The following LIAT1 variants were observed in gnomAD, a reference collection of about 807,000 sequenced individuals.
LIAT1 encodes the protein protein LIAT1.
chr17:410,911 C>G, the LIAT1 span, among the ~76,000 whole-genome samples: 1 of 152,166 alleles, frequency 6.6e-6, no homozygotes, highest in Non-Finnish European at 1.5e-5. Context: ...CAGCCCCACA[C>G]AAAGACACCC....
the LIAT1 span, chr17:413,180 C>G: frequency 5.0e-6 from 8 of 1,614,026 alleles, no homozygotes; most frequent in African/African-American, 9.3e-5. Flanking sequence ...GAAGAGCCAG[C>G]CGCTTTCTTC....
chr17:410,501 C>T, the LIAT1 span: 56 of 1,544,392 alleles, frequency 3.6e-5, no homozygotes, highest in African/African-American at 4.1e-5. Flanking sequence ...ACAACGACGG[C>T]GAGGAGGAGG....
the LIAT1 span, chr17:410,587 A>C: frequency 6.5e-7 from 1 of 1,546,272 alleles, no homozygotes; most frequent in Non-Finnish European, 8.7e-7. Context: ...GAGCTGGCCA[A>C]ACGGAAGGTG....
the LIAT1 span, among the ~76,000 whole-genome samples, chr17:412,534 T>G: frequency 1.0e-3 from 154 of 152,230 alleles, no homozygotes; most frequent in African/African-American, 3.6e-3. Flanking sequence ...TTTGTAGCAT[T>G]TTATGTGCAT....
At chr17:410,603 GA>G in the LIAT1 span, 1 of 1,544,624 alleles carries the variant, frequency 6.5e-7, no homozygotes. Flanking sequence ...AGGTGAAGAA[GA>G]AAAAAAGGAA....
the LIAT1 span, chr17:410,704 GACCC>G: frequency 1.4e-6 from 2 of 1,470,736 alleles, no homozygotes; most frequent in Admixed American, 4.1e-5. Context: ...ACTCTTTGGG[GACCC>G]ACCCCCCATT....
chr17:414,271 C>A, the LIAT1 span: 2 of 925,614 alleles, frequency 2.2e-6, no homozygotes, highest in African/African-American at 1.6e-5. This position sits in a 1 kb window ranked among gnomAD's most constrained non-coding sequence, Gnocchi z 4.1. Flanking sequence ...AAGCTGCCCT[C>A]GGTTGCCCAG....
the LIAT1 span, among the ~76,000 whole-genome samples, chr17:412,657 T>G: frequency 1.3e-5 from 2 of 152,126 alleles, no homozygotes; most frequent in Non-Finnish European, 2.9e-5. Flanking sequence ...TTAGGAAGCT[T>G]TTCTGTTGTT....
the LIAT1 span, among the ~76,000 whole-genome samples, chr17:412,905 A>T: frequency 6.6e-6 from 1 of 152,226 alleles, no homozygotes; most frequent in Non-Finnish European, 1.5e-5. Context: ...AATAGGGCCG[A>T]TCGCCTTTAC....
the LIAT1 span, chr17:414,281 G>A: frequency 1.3e-6 from 1 of 799,728 alleles, no homozygotes; most frequent in Non-Finnish European, 2.0e-6. This position sits in a 1 kb window ranked among gnomAD's most constrained non-coding sequence, Gnocchi z 4.1. Flanking sequence ...CGGTTGCCCA[G>A]GAGAGCCACA....
At chr17:410,753 C>G in the LIAT1 span, 2 of 1,091,382 alleles carry the variant, frequency 1.8e-6, no homozygotes, top group African/African-American at 3.2e-5. Context: ...CTCAGTGGTC[C>G]CGGACCGAGG....
the LIAT1 span, chr17:413,915 G>A: frequency 2.5e-6 from 4 of 1,610,702 alleles, no homozygotes; most frequent in Admixed American, 5.0e-5. Flanking sequence ...CTTCCACCCC[G>A]ACCCCGAGGC....
At chr17:412,770 G>A in the LIAT1 span, among the ~76,000 whole-genome samples, 1 of 152,220 alleles carries the variant, frequency 6.6e-6, no homozygotes, top group African/African-American at 2.4e-5. Flanking sequence ...GATGAGGGCA[G>A]CACGGCCCAG....
At chr17:414,024 C>T in the LIAT1 span, 226 of 1,614,254 alleles carry the variant, frequency 1.4e-4, no homozygotes, top group African/African-American at 2.6e-3. This position sits in a 1 kb window ranked among gnomAD's most constrained non-coding sequence, Gnocchi z 4.1. Flanking sequence ...AGGCAGCCCA[C>T]GTCGAAAGCC....
chr17:411,402 C>T, the LIAT1 span, among the ~76,000 whole-genome samples: 5 of 152,332 alleles, frequency 3.3e-5, no homozygotes, highest in East Asian at 7.7e-4. Flanking sequence ...GACGCAGTGG[C>T]TCACACCTGT....
At chr17:410,680 C>A in the LIAT1 span, 2 of 1,531,022 alleles carry the variant, frequency 1.3e-6, no homozygotes, top group African/African-American at 1.4e-5. Flanking sequence ...TGCGTCAGCT[C>A]CGGTTCCCTG....
the LIAT1 span, chr17:413,389 G>A: frequency 5.0e-6 from 8 of 1,614,142 alleles, no homozygotes; most frequent in Non-Finnish European, 5.9e-6. Context: ...CGGAGGCAGA[G>A]AAGGAAAGGA....
At chr17:414,370 C>T in the LIAT1 span, 1 of 488,490 alleles carries the variant, frequency 2.0e-6, no homozygotes, top group Non-Finnish European at 3.6e-6. This position sits in a 1 kb window ranked among gnomAD's most constrained non-coding sequence, Gnocchi z 4.1. Context: ...ATCTCTGTTA[C>T]TTAATTTCTC....
At chr17:411,604 G>C in the LIAT1 span, among the ~76,000 whole-genome samples, 1 of 152,162 alleles carries the variant, frequency 6.6e-6, no homozygotes, top group Non-Finnish European at 1.5e-5. Flanking sequence ...TACACACACA[G>C]ACTGTTAATA....
Sources: gnomAD v4.1 joint callset for allele counts (sites outside exome capture counted in the v4.1 genomes callset) on GRCh38, gnomAD v4.1.1 for gene constraint, Gnocchi (gnomAD v3.1) non-coding constraint, MANE v1.5 for transcripts, NCBI Gene and HGNC (gene_info 2026-07-23, HGNC 2026-07-21) for gene names.